Variants in TRIM37 observed in about 807,000 individuals in gnomAD.
TRIM37 encodes the protein E3 ubiquitin-protein ligase TRIM37.
TRIM37 carries 80 observed loss-of-function variants against 129.8 expected under a neutral mutation model. The ratio of observed to expected loss-of-function variants is 0.62; its 90% confidence interval spans 0.51 to 0.74. The LOEUF is 0.74. Ranked by LOEUF, TRIM37 falls within the 30% of genes least tolerant of loss-of-function variation. The pLI is 0.00. For synonymous variants in TRIM37, 389 were observed against 387.1 expected (o/e 1.00, Z -0.06); for missense variants, 1,054 against 1,176.5 (o/e 0.90, Z 1.52).
At chr17:59,074,307 T>A (rs144439656) in intron 8 of TRIM37, among the ~76,000 whole-genome samples, 1 of 152,334 alleles carries the variant, frequency 6.6e-6, no homozygotes, top group Non-Finnish European at 1.5e-5. Flanking sequence ...GTATAGGTTA[T>A]ATGAGAATAC....
At chr17:58,998,066 G>T, downstream of TRIM37, 1 of 301,228 alleles carries the variant, frequency 3.3e-6, no homozygotes. Context: ...GACTGGGATC[G>T]ATGCTAGGCA....
chr17:58,968,370 A>C, the TRIM37 span, among the ~76,000 whole-genome samples: 1 of 152,148 alleles, frequency 6.6e-6, no homozygotes. Context: ...AGTTACAATG[A>C]TCTGTGATCA....
Position 59,049,261 on chromosome 17 carries a change from C to T in TRIM37, c.1447G>A (p.Glu483Lys), listed in dbSNP as rs772949943. 168 of 1,614,138 alleles carry T rather than the reference C, an allele frequency of 1.0e-4. 1 individual carries two copies. The highest frequency in any genetic ancestry group is 4.9e-4 in the Middle Eastern group (3 of 6,062). The change falls in exon 15 of 24, where the codon GAA becomes AAA. Residue 483 changes from glutamate to lysine, a missense_variant. By Grantham distance (56) the Glu-to-Lys change is moderately conservative (BLOSUM62 1). Around this residue, in one of 3 missense-constraint regions of TRIM37, gnomAD observed 752 missense variants for 870.8 expected, o/e 0.86. Coordinates refer to ENST00000262294, the MANE Select transcript of TRIM37 (RefSeq NM_015294.6). ...KKSACSDMLL[E>K]GGPTTASVRE... ...ACAGAAGCTGTAGTAGGACCACCTT[C>T]GAGAAGCATGTCAGAGCATGCAGAC...
At chr17:59,076,332 G>C (rs117913764) in intron 7 of TRIM37, among the ~76,000 whole-genome samples, 1 of 152,228 alleles carries the variant, frequency 6.6e-6, no homozygotes, top group African/African-American at 2.4e-5. Context: ...CTTGAGCCTA[G>C]GTATTTGAGA....
At chr17:59,012,682 G>A (rs2035442925) in intron 21 of TRIM37, among the ~76,000 whole-genome samples, 1 of 152,036 alleles carries the variant, frequency 6.6e-6, no homozygotes, top group African/African-American at 2.4e-5. Context: ...TTCAAGACCA[G>A]CCTGGCCAAG....
chr17:59,070,364 A>G (rs1356075572), intron 9 of TRIM37, among the ~76,000 whole-genome samples: 1 of 152,166 alleles, frequency 6.6e-6, no homozygotes, highest in Non-Finnish European at 1.5e-5. Context: ...TAGGAGATAT[A>G]GTTCAATTCA....
intron 2 of TRIM37, among the ~76,000 whole-genome samples, chr17:59,095,188 C>T (rs1395363932): frequency 6.6e-6 from 1 of 151,806 alleles, no homozygotes; most frequent in Non-Finnish European, 1.5e-5. Flanking sequence ...CTGTCTCTAG[C>T]CTGGATGACA....
intron 13 of TRIM37, among the ~76,000 whole-genome samples, chr17:59,054,412 C>T (rs1290711404): frequency 6.6e-6 from 1 of 152,010 alleles, no homozygotes; most frequent in South Asian, 2.1e-4. Context: ...AGCGATTCAA[C>T]TGCCTCAGCT....
intron 2 of TRIM37, among the ~76,000 whole-genome samples, chr17:59,096,490 T>G (rs185480348): frequency 2.0e-4 from 29 of 143,404 alleles, no homozygotes; most frequent in Non-Finnish European, 4.0e-4. Flanking sequence ...AGGCAGAGGT[T>G]GCAATGAGCC....
chr17:59,049,218 T>A lies in TRIM37; in HGVS notation c.1490A>T (p.Asp497Val), dbSNP rs780816855. Residue 497 changes from aspartate to valine, a missense_variant, in exon 15 of 24, where the codon GAT becomes GTT. Coordinates refer to ENST00000262294, the MANE Select transcript of TRIM37 (RefSeq NM_015294.6). ...TTASVREAKE[D>V]EEDEEKIQNE... ...CTGAATCTTCTCCTCATCTTCTTCA[T>A]CCTCTTTGGCCTCTCTTACAGAAGC... is the stretch of plus-strand genomic sequence containing the variant. 6.2e-7 allele frequency: 1 copy of A among 1,614,194 alleles called. No individual in the cohort carries two copies. The highest frequency in any genetic ancestry group is 1.1e-5 in the South Asian group (1 of 91,084).
In TRIM37 at chr17:59,106,500, G is replaced by C. The variant is rs770724532; in HGVS notation, c.-39C>G. ...CGGCGGGGCCGCTGGCGACCCGCAG[G>C]CTCCGCAGTCTGACCTCTTAGGCGC... On this transcript the variant is annotated 5_prime_UTR_variant, in exon 1 of 24. Coordinates refer to ENST00000262294, the MANE Select transcript of TRIM37 (RefSeq NM_015294.6). 1.1e-5 allele frequency: 18 copies of C among 1,612,696 alleles called. No homozygotes were observed. In the African/African-American group the frequency reaches 1.7e-4, roughly 16 times the overall value.
chr17:58,975,010 A>AATT, the TRIM37 span, among the ~76,000 whole-genome samples: 28 of 152,116 alleles, frequency 1.8e-4, no homozygotes, highest in Middle Eastern at 3.4e-3. Context: ...CCTTATATGG[A>AATT]ATTATTATTA....
chr17:59,104,755 T>A (rs1418162187), intron 1 of TRIM37, among the ~76,000 whole-genome samples: 1 of 152,100 alleles, frequency 6.6e-6, no homozygotes, highest in Non-Finnish European at 1.5e-5. Context: ...CAGAAATACT[T>A]CTTCATCTAA....
At chr17:59,079,094 T>C (rs936897549) in intron 7 of TRIM37, among the ~76,000 whole-genome samples, 2 of 150,226 alleles carry the variant, frequency 1.3e-5, no homozygotes, top group Admixed American at 6.6e-5. Flanking sequence ...ATTTAAAGTA[T>C]ATATATTTCA....
chr17:59,099,094 A>C (rs1272786227), intron 2 of TRIM37, among the ~76,000 whole-genome samples: 1 of 151,954 alleles, frequency 6.6e-6, no homozygotes, highest in Non-Finnish European at 1.5e-5. Flanking sequence ...GAGGCAGCAG[A>C]CTCGCTTGAA....
downstream of TRIM37, among the ~76,000 whole-genome samples, chr17:58,995,880 G>C (rs2144279000): frequency 6.6e-6 from 1 of 152,108 alleles, no homozygotes; most frequent in South Asian, 2.1e-4. Flanking sequence ...GACTGCGCAT[G>C]CCTGTAGTCC....
chr17:59,063,272 C>T (rs2041654336), intron 10 of TRIM37, among the ~76,000 whole-genome samples: 1 of 152,026 alleles, frequency 6.6e-6, no homozygotes, highest in South Asian at 2.1e-4. Context: ...CTCCACCTCC[C>T]GGTTTCAGGC....
rs767680836 is a variant in TRIM37 at position 59,106,432 on chromosome 17, C to A, written c.21+9G>T. On this transcript the variant is annotated intron_variant, in intron 1 of 23. Transcript: ENST00000262294. ...CGGGGACTAACCACCACCCTCACAA[C>A]CCCCTCACCTCCACGCTCTGTTCAT... The A allele has an allele frequency of 1.9e-6, 3 of 1,613,730 alleles. No individual in the cohort carries two copies. The highest frequency in any genetic ancestry group is 1.7e-6 in the Non-Finnish European group (2 of 1,179,604).
At chr17:58,967,517 T>G in the TRIM37 span, among the ~76,000 whole-genome samples, 1,548 of 149,444 alleles carry the variant, frequency 0.01, 18 homozygotes, top group African/African-American at 0.025. Flanking sequence ...TATATATATA[T>G]ATAGAGAGAG....
Sources: allele counts gnomAD v4.1 joint callset (sites outside exome capture counted in the v4.1 genomes callset), GRCh38; gene constraint gnomAD v4.1.1; regional missense constraint gnomAD v4.1.1; transcripts MANE v1.5; gene names NCBI Gene and HGNC (gene_info 2026-07-23, HGNC 2026-07-21).